USP3: variants seen among roughly 807,000 people sequenced by gnomAD.
USP3 encodes ubiquitin specific peptidase 3.
Under a neutral mutation model 72.3 loss-of-function variants are expected in USP3, and 20 were observed. That is an observed-to-expected ratio of 0.28 (90% CI 0.19 to 0.40). The LOEUF is 0.40. Among genes scored for constraint, USP3 ranks in the 10% least tolerant of loss-of-function variants. The pLI is 1.00. For synonymous variants in USP3, 222 were observed against 225.3 expected, an observed-to-expected ratio of 0.99 and a Z score of 0.13; for missense variants, 479 against 633.9, an observed-to-expected ratio of 0.76 and a Z score of 2.62.
At chr15:63,550,975 A>C (rs1178502280) in intron 3 of USP3, among the ~76,000 whole-genome samples, 2 of 152,112 alleles carry the variant, frequency 1.3e-5, no homozygotes, top group African/African-American at 4.8e-5. Flanking sequence ...TGGGAAACAG[A>C]ATACCCTGGC....
intron 11 of USP3, among the ~76,000 whole-genome samples, chr15:63,580,477 T>C (rs1162296321): frequency 6.6e-6 from 1 of 151,670 alleles, no homozygotes; most frequent in Non-Finnish European, 1.5e-5. Context: ...ATTAAATTTA[T>C]ATAGTATATA....
intron 6 of USP3, 68 bp from the exon 7 acceptor site, chr15:63,559,789 C>T: frequency 1.5e-6 from 2 of 1,348,930 alleles, no homozygotes; most frequent in Non-Finnish European, 2.0e-6. Context: ...TATATGTAGG[C>T]TTCATCAACT....
intron 8 of USP3, among the ~76,000 whole-genome samples, chr15:63,567,561 T>A (rs2066711383): frequency 6.6e-6 from 1 of 151,974 alleles, no homozygotes; most frequent in Admixed American, 6.6e-5. Context: ...TTAGCCAGGA[T>A]GGTCTCGATC....
chr15:63,524,595 G>C (rs539333845), intron 1 of USP3, among the ~76,000 whole-genome samples: 6 of 152,292 alleles, frequency 3.9e-5, no homozygotes, highest in African/African-American at 1.2e-4. Context: ...ACACTTTGGA[G>C]GAGGATGTTC....
chr15:63,551,438 A>C (rs2066435115), intron 3 of USP3: 1 of 151,942 alleles, frequency 6.6e-6, no homozygotes, highest in Admixed American at 6.5e-5. Context: ...TTTAATTGCC[A>C]ATTATGATTT....
chr15:63,529,864 C>CTCAT lies in USP3; in HGVS notation c.92-2782_92-2779dup, dbSNP rs1170744193. On this transcript the variant is annotated intron_variant, in intron 1 of 14. Coordinates refer to ENST00000380324, the MANE Select transcript of USP3 (RefSeq NM_006537.4). The surrounding 1 kb of genome is among the most constrained non-coding windows in gnomAD (Gnocchi z 4.2). ...CTTGGGCCTAGGCCAGGTGCAGAGG[C>CTCAT]TCATACCTATAATCTGGGCACTTTG... 2.6e-5 allele frequency among the ~76,000 whole-genome samples: 4 copies of CTCAT among 152,210 alleles called. No individual in the cohort carries two copies. Among genetic ancestry groups the CTCAT allele is most frequent in the African/African-American group, 9.7e-5 (4 of 41,446 alleles).
At chr15:63,509,717 C>T (rs1390859582) in intron 1 of USP3, among the ~76,000 whole-genome samples, 2 of 152,132 alleles carry the variant, frequency 1.3e-5, no homozygotes, top group Admixed American at 6.5e-5. Context: ...TCCCCAACCC[C>T]GTCCCCCAGA....
chr15:63,569,501 AGAGTAGTGG>A (rs1248574325), intron 8 of USP3, among the ~76,000 whole-genome samples: 2 of 152,216 alleles, frequency 1.3e-5, no homozygotes, highest in Non-Finnish European at 2.9e-5. Flanking sequence ...GTTGCCTGGA[AGAGTAGTGG>A]GAGTTTTGAA....
chr15:63,532,740 T>C, intron 2 of USP3, 33 bp downstream of exon 2: 6 of 1,608,986 alleles, frequency 3.7e-6, no homozygotes, highest in Non-Finnish European at 5.1e-6. Context: ...CACTGACCTA[T>C]TTGCTTTTTA....
intron 1 of USP3, among the ~76,000 whole-genome samples, chr15:63,526,429 TAGA>T (rs2065982677): frequency 6.6e-6 from 1 of 152,216 alleles, no homozygotes; most frequent in African/African-American, 2.4e-5. Context: ...CATTGGATTG[TAGA>T]AGATTAATTA....
chr15:63,519,247 G>A (rs1176933771), intron 1 of USP3, among the ~76,000 whole-genome samples: 1 of 151,838 alleles, frequency 6.6e-6, no homozygotes, highest in Non-Finnish European at 1.5e-5. Context: ...CCAGGATCAT[G>A]TGTTATATTT....
Position 63,574,214 on chromosome 15 carries a change from C to T in USP3, c.1015+62C>T, listed in dbSNP as rs541161187. The T allele has an allele frequency of 2.3e-5, 32 of 1,399,346 alleles. No individual in the cohort carries two copies. The highest frequency in any genetic ancestry group is 3.8e-4 in the Middle Eastern group (2 of 5,296). 86.7% of individuals were successfully genotyped at this position (1,399,346 alleles called of 1,614,324 possible). On this transcript the variant is annotated intron_variant, in intron 10 of 14. Coordinates refer to ENST00000380324, the MANE Select transcript of USP3 (RefSeq NM_006537.4). This position sits in a 1 kb window ranked among gnomAD's most constrained non-coding sequence, Gnocchi z 4.6. ...ATTAAAATAAATTTAATGTTTCCTT[C>T]AAAAAATAAGTGTAAAGAGAAATCT...
intron 4 of USP3, 119 bp from the exon 5 acceptor site, chr15:63,556,548 A>G: frequency 1.5e-6 from 1 of 647,136 alleles, no homozygotes; most frequent in Non-Finnish European, 2.6e-6. Context: ...AGGCCTGACG[A>G]AGCAGTCAGG....
chr15:63,581,348 TG>T (rs2066956880), intron 11 of USP3, among the ~76,000 whole-genome samples: 13 of 4,226 alleles, frequency 3.1e-3, no homozygotes, highest in Admixed American at 0.022. Context: ...TTGGTTTTTG[TG>T]TGTGTGTGTG....
chr15:63,537,576 G>C (rs1406336963), intron 3 of USP3, among the ~76,000 whole-genome samples: 1 of 151,874 alleles, frequency 6.6e-6, no homozygotes, highest in South Asian at 2.1e-4. Flanking sequence ...TAACTGCTTT[G>C]TTTAAAAAAA....
intron 8 of USP3, among the ~76,000 whole-genome samples, chr15:63,569,642 G>A (rs1027972567): frequency 6.6e-6 from 1 of 152,086 alleles, no homozygotes; most frequent in African/African-American, 2.4e-5. Flanking sequence ...ATATAGCAAT[G>A]CTTTCTTTAT....
rs142608086 is a variant in USP3 at position 63,525,252 on chromosome 15, G to A, written c.92-7395G>A. Reference sequence around the variant, plus strand: ...CTGTGATCTTGCCCTTGAGTCCCAGGTGGCCACTTCTGACCACTTTGGATT... The same window carrying A: ...CTGTGATCTTGCCCTTGAGTCCCAGATGGCCACTTCTGACCACTTTGGATT... On this transcript the variant is annotated intron_variant, in intron 1 of 14. Coordinates refer to ENST00000380324, the MANE Select transcript of USP3 (RefSeq NM_006537.4). Among the ~76,000 whole-genome samples, 27 of 152,254 alleles carry A rather than the reference G, an allele frequency of 1.8e-4. 2 individuals are homozygous for A. The East Asian group carries it at 4.4e-3, about 25-fold the overall frequency.
At chr15:63,517,332 G>A (rs1374518430) in intron 1 of USP3, among the ~76,000 whole-genome samples, 1 of 151,476 alleles carries the variant, frequency 6.6e-6, no homozygotes, top group African/African-American at 2.4e-5. Context: ...CTATTGTTTT[G>A]CAGTATCTTC....
intron 11 of USP3, among the ~76,000 whole-genome samples, chr15:63,584,038 T>C (rs2067009757): frequency 6.6e-6 from 1 of 152,104 alleles, no homozygotes; most frequent in Non-Finnish European, 1.5e-5. Flanking sequence ...CTGCCAAACT[T>C]TTCCACAGTG....
Sources: gnomAD v4.1 joint callset for allele counts (sites outside exome capture counted in the v4.1 genomes callset) on GRCh38, gnomAD v4.1.1 for gene constraint, Gnocchi (gnomAD v3.1) non-coding constraint, MANE v1.5 for transcripts, NCBI Gene and HGNC (gene_info 2026-07-23, HGNC 2026-07-21) for gene names.